UBE2L3: variants seen among roughly 807,000 people sequenced by gnomAD.
UBE2L3 encodes ubiquitin conjugating enzyme E2 L3, also known as ubiquitin-conjugating enzyme E2 L3.
UBE2L3 carries 1 observed loss-of-function variant against 17.8 expected under a neutral mutation model. The observed-to-expected ratio is 0.06, with a 90% CI of 0.02 to 0.27. The LOEUF (loss-of-function observed/expected upper bound fraction) is 0.27. Ranked by LOEUF, UBE2L3 falls within the 10% of genes least tolerant of loss-of-function variation. The pLI, the probability that UBE2L3 is intolerant of heterozygous loss-of-function variation, is 1.00. For missense variants in UBE2L3, 40 were observed against 192.6 expected (o/e 0.21, Z 4.69); for synonymous variants, 44 against 68.5 (o/e 0.64, Z 1.76).
At chr22:21,606,041 ACT>A (rs1443011989) in intron 2 of UBE2L3, among the ~76,000 whole-genome samples, 1 of 152,152 alleles carries the variant, frequency 6.6e-6, no homozygotes, top group Admixed American at 6.5e-5. Context: ...CTCATCATAA[ACT>A]CTGGGTACAG....
At chr22:21,572,043 C>A (rs957316300) in intron 1 of UBE2L3, among the ~76,000 whole-genome samples, 2 of 152,052 alleles carry the variant, frequency 1.3e-5, no homozygotes, top group African/African-American at 4.8e-5. Flanking sequence ...GTTTCAGCCT[C>A]CCTTAATGGT....
chr22:21,604,791 G>C (rs1260992572), intron 2 of UBE2L3, among the ~76,000 whole-genome samples: 1 of 152,128 alleles, frequency 6.6e-6, no homozygotes, highest in Admixed American at 6.6e-5. Flanking sequence ...CATAGTTTGT[G>C]TGACTTATGC....
chr22:21,591,831 AGGTGTGGAGGC>A (rs1928280748), intron 1 of UBE2L3, among the ~76,000 whole-genome samples: 2 of 152,286 alleles, frequency 1.3e-5, no homozygotes, highest in South Asian at 4.1e-4. Flanking sequence ...GGTGCCTGAC[AGGTGTGGAGGC>A]GGCTTTTGTG....
At chr22:21,604,254 C>T (rs371877591) in intron 2 of UBE2L3, among the ~76,000 whole-genome samples, 7 of 152,224 alleles carry the variant, frequency 4.6e-5, no homozygotes. Context: ...AATCCTAGCA[C>T]TTTGGGAGGC....
chr22:21,574,549 T>C (rs1026174943), intron 1 of UBE2L3, among the ~76,000 whole-genome samples: 1 of 152,064 alleles, frequency 6.6e-6, no homozygotes, highest in African/African-American at 2.4e-5. Context: ...TCGGGACAGG[T>C]TGGGGCCAGT....
At chr22:21,600,776 A>G (rs1252608328) in intron 2 of UBE2L3, among the ~76,000 whole-genome samples, 1 of 152,238 alleles carries the variant, frequency 6.6e-6, no homozygotes. Context: ...AGTACAAAGA[A>G]GTCATCTTCA....
At chr22:21,559,210 T>G (rs1281256778) in intron 1 of UBE2L3, among the ~76,000 whole-genome samples, 1 of 152,218 alleles carries the variant, frequency 6.6e-6, no homozygotes, top group African/African-American at 2.4e-5. Context: ...TAGCCGGACG[T>G]GGTGGCAGGT....
At chr22:21,609,495 C>G (rs1237909829) in intron 2 of UBE2L3, among the ~76,000 whole-genome samples, 1 of 150,554 alleles carries the variant, frequency 6.6e-6, no homozygotes, top group African/African-American at 2.4e-5. Context: ...TCTCTTGAGC[C>G]CAGGAGTTTG....
At chr22:21,587,475 C>G (rs1336302066) in intron 1 of UBE2L3, among the ~76,000 whole-genome samples, 1 of 152,138 alleles carries the variant, frequency 6.6e-6, no homozygotes, top group Non-Finnish European at 1.5e-5. Flanking sequence ...CACCGCGCCT[C>G]GCCTAGATTT....
chr22:21,570,407 A>G (rs1413856312), intron 1 of UBE2L3, among the ~76,000 whole-genome samples: 3 of 152,216 alleles, frequency 2.0e-5, no homozygotes, highest in Non-Finnish European at 4.4e-5. Context: ...TCAACACTCA[A>G]AGTTAGTGTA....
chr22:21,595,928 C>T (rs546891593), intron 2 of UBE2L3, among the ~76,000 whole-genome samples: 173 of 151,336 alleles, frequency 1.1e-3, no homozygotes, highest in African/African-American at 3.4e-3. Flanking sequence ...TGCAGTGGCA[C>T]GATCTCGGCT....
chr22:21,611,132 C>A, intron 3 of UBE2L3, 89 bp downstream of exon 3: 3 of 1,390,196 alleles, frequency 2.2e-6, no homozygotes, highest in East Asian at 2.4e-5. Context: ...CAGACAGAAT[C>A]CAGAGAATCT....
intron 2 of UBE2L3, among the ~76,000 whole-genome samples, chr22:21,606,909 C>T (rs1929205774): frequency 6.6e-6 from 1 of 152,190 alleles, no homozygotes; most frequent in South Asian, 2.1e-4. Flanking sequence ...TTCAGTAGCC[C>T]TGGGGCCACA....
chr22:21,585,649 G>C (rs992172870), intron 1 of UBE2L3, among the ~76,000 whole-genome samples: 1 of 152,224 alleles, frequency 6.6e-6, no homozygotes, highest in Non-Finnish European at 1.5e-5. Context: ...TAGAGGAACA[G>C]GCATTTGAGA....
chr22:21,622,977 A>T lies in UBE2L3; in HGVS notation c.*1308A>T, dbSNP rs1197438343. On this transcript the variant is annotated 3_prime_UTR_variant, in exon 4 of 4. Transcript: ENST00000342192. ...AAGATTTGAATATTAATGTCTTTTC[A>T]AGGCAAATGGGATTGTCCCCGCACT... is the stretch of plus-strand genomic sequence containing the variant. The T allele has an allele frequency of 6.6e-6, 1 of 152,512 alleles. No individual in the cohort carries two copies. The highest frequency in any genetic ancestry group is 6.5e-5 in the Admixed American group (1 of 15,284). The allele number at this position is 152,512 out of a possible 1,614,324, so 9.4% of individuals were successfully genotyped here.
At chr22:21,600,353 C>T (rs2038205569) in intron 2 of UBE2L3, among the ~76,000 whole-genome samples, 1 of 151,802 alleles carries the variant, frequency 6.6e-6, no homozygotes, top group African/African-American at 2.4e-5. Flanking sequence ...AAAACTTATT[C>T]CTACTATTTA....
At chr22:21,588,463 CTTTTTTTTTTTTT>C (rs1255043408) in intron 1 of UBE2L3, among the ~76,000 whole-genome samples, 1 of 103,338 alleles carries the variant, frequency 9.7e-6, no homozygotes, top group South Asian at 3.5e-4. Context: ...TTTCTTCTTT[CTTTTTTTTTTTTT>C]TTTTTTTTTG....
At chr22:21,606,330 T>C (rs1020271981) in intron 2 of UBE2L3, among the ~76,000 whole-genome samples, 1 of 151,452 alleles carries the variant, frequency 6.6e-6, no homozygotes, top group African/African-American at 2.4e-5. Flanking sequence ...TGTGTGTGTG[T>C]GGTGTGTGTG....
intron 1 of UBE2L3, among the ~76,000 whole-genome samples, chr22:21,583,138 C>T (rs981084581): frequency 2.6e-5 from 4 of 152,206 alleles, no homozygotes; most frequent in Non-Finnish European, 4.4e-5. Flanking sequence ...GCTTCCCTAA[C>T]GCCCCCACTG....
Sources: allele counts gnomAD v4.1 joint callset (sites outside exome capture counted in the v4.1 genomes callset), GRCh38; gene constraint gnomAD v4.1.1; transcripts MANE v1.5; gene names NCBI Gene and HGNC (gene_info 2026-07-23, HGNC 2026-07-21).